The following MXD4 variants were observed in gnomAD, a reference collection of about 807,000 sequenced individuals.
MXD4 encodes the protein Mad4 homolog.
In MXD4, 16 loss-of-function variants were observed where a neutral mutation model predicts 24.5. The ratio of observed to expected loss-of-function variants is 0.65; its 90% CI spans 0.44 to 0.99. The LOEUF (loss-of-function observed/expected upper bound fraction) is 0.99. MXD4 is among the 50% of genes least tolerant of loss of function. MXD4 has a pLI of 0.00. For missense variants in MXD4, 301 were observed against 301.5 expected (o/e 1.00, Z 0.01); for synonymous variants, 164 against 134.2 (o/e 1.22, Z -1.54).
At chr4:2,255,847 G>A (rs1055898951) in intron 3 of MXD4, among the ~76,000 whole-genome samples, 8 of 152,192 alleles carry the variant, frequency 5.3e-5, no homozygotes, top group African/African-American at 1.7e-4. Flanking sequence ...CACCGAGAGG[G>A]CATGGCTCCA....
chr4:2,256,031 T>G (rs1400488002), intron 3 of MXD4, among the ~76,000 whole-genome samples: 1 of 152,238 alleles, frequency 6.6e-6, no homozygotes, highest in Non-Finnish European at 1.5e-5. Flanking sequence ...GAGGCTGGGC[T>G]GCAGGGGGCT....
At chr4:2,252,859 G>A (rs1735353458) in intron 3 of MXD4, 3 of 267,246 alleles carry the variant, frequency 1.1e-5, no homozygotes, top group South Asian at 4.1e-5. Flanking sequence ...TGCAGGGAGG[G>A]GTGGGGTGAG....
intron 3 of MXD4, among the ~76,000 whole-genome samples, 171 bp downstream of exon 3, chr4:2,257,811 G>GA (rs1735460963): frequency 6.6e-6 from 1 of 152,222 alleles, no homozygotes. Flanking sequence ...CAGAGTGCCT[G>GA]AAACAGACCT....
intron 3 of MXD4, among the ~76,000 whole-genome samples, chr4:2,256,913 T>C (rs531205697): frequency 4.3e-4 from 66 of 152,190 alleles, no homozygotes; most frequent in African/African-American, 1.5e-3. Flanking sequence ...CCCCGGCTCC[T>C]GGGTCCTGGT....
Position 2,250,227 on chromosome 4 carries a change from T to C in MXD4, c.*317A>G, listed in dbSNP as rs1219475024. The stretch of plus-strand genomic sequence containing the variant: ...CCCCTCACACGGCACCTGCCGAGGT[T>C]TGCAGCAATGACGTTTAATACTTCT... On this transcript the variant is annotated 3_prime_UTR_variant, in exon 6 of 6. Transcript: ENST00000337190. The C allele has an allele frequency of 1.1e-5, 4 of 371,870 alleles. No individual in the cohort carries two copies. Among genetic ancestry groups the C allele is most frequent in the Middle Eastern group, 3.3e-4 (1 of 3,018 alleles). The allele number at this position is 371,870 out of a possible 1,614,324, so 23.0% of individuals were successfully genotyped here.
At position 2,250,237 on chromosome 4, in the gene MXD4, GAC is replaced by G. The variant is rs1284035014; in HGVS notation, c.*305_*306del. 2.5e-6 allele frequency: 1 copy of G among 400,140 alleles called. No individual in the cohort carries two copies. Among genetic ancestry groups the G allele is most frequent in the African/African-American group, 2.0e-5 (1 of 49,010 alleles). The allele number at this position is 400,140 out of a possible 1,614,324, so 24.8% of individuals were successfully genotyped here. On this transcript the variant is annotated 3_prime_UTR_variant, in exon 6 of 6. Coordinates refer to ENST00000337190, the MANE Select transcript of MXD4 (RefSeq NM_006454.3). ...GGCACCTGCCGAGGTTTGCAGCAAT[GAC>G]GTTTAATACTTCTGGAATGATTAGG...
At chr4:2,261,126 C>T (rs1402736846) in intron 2 of MXD4, among the ~76,000 whole-genome samples, 1 of 152,236 alleles carries the variant, frequency 6.6e-6, no homozygotes. Flanking sequence ...ATACTGGTGG[C>T]TGGAGTTTCG....
chr4:2,261,700 C>T (rs1201435267), intron 2 of MXD4, 25 bp downstream of exon 2: 1 of 1,252,274 alleles, frequency 8.0e-7, no homozygotes, highest in Non-Finnish European at 1.0e-6. Context: ...CCGGGCCGGG[C>T]GGGGTCGGGA....
At position 2,250,658 on chromosome 4, in the gene MXD4, G is replaced by T; in HGVS notation, c.516C>A (p.Asp172Glu). 6 of 1,613,748 alleles carry T rather than the reference G, an allele frequency of 3.7e-6. No individual in the cohort carries two copies. The highest frequency in any genetic ancestry group is 5.1e-6 in the Non-Finnish European group (6 of 1,179,958). ...CCGCGTCACTGCTGCTGCCAACACTGTCCAGCTCACCAGGGCCAAACTCCA... is the reference window on the plus strand; with the variant it reads ...CCGCGTCACTGCTGCTGCCAACACTTTCCAGCTCACCAGGGCCAAACTCCA... Reference protein sequence around the residue: ...EGMEFGPGELDSVGSSSDADD... With the variant: ...EGMEFGPGELESVGSSSDADD... Residue 172 changes from aspartate to glutamate, a missense_variant, in exon 6 of 6, where the codon GAC (aspartate) becomes GAA (glutamate). Asp to Glu is a conservative substitution (Grantham distance 45). Coordinates refer to ENST00000337190, the MANE Select transcript of MXD4 (RefSeq NM_006454.3).
chr4:2,260,118 T>C (rs1177870183), intron 2 of MXD4, among the ~76,000 whole-genome samples: 4 of 152,218 alleles, frequency 2.6e-5, no homozygotes, highest in Admixed American at 6.5e-5. Context: ...CCGCCAGCCC[T>C]GGGCTGCCTC....
chr4:2,254,611 G>A (rs1735389203), intron 3 of MXD4: 1 of 152,316 alleles, frequency 6.6e-6, no homozygotes, highest in East Asian at 1.9e-4. Context: ...ACATATAAAA[G>A]ACAAATGGTT....
chr4:2,255,363 G>A, intron 3 of MXD4: 2 of 456,278 alleles, frequency 4.4e-6, no homozygotes, highest in South Asian at 3.1e-5. Flanking sequence ...TTTCTCGAGA[G>A]ACAAACAGAA....
At position 2,249,131 on chromosome 4, in the gene MXD4, C is replaced by A. The variant is rs973208431; in HGVS notation, c.*1413G>T. 6.6e-6 allele frequency: 1 copy of A among 152,566 alleles called. No individual in the cohort carries two copies. Among genetic ancestry groups the A allele is most frequent in the African/African-American group, 2.4e-5 (1 of 41,470 alleles). 9.5% of individuals were successfully genotyped at this position (152,566 alleles called of 1,614,324 possible). ...CCACAGGGGCCTGGCTGCATCGCCTCCAGGAAGCCCTGGCTGCCGGGAGGG... is the reference window on the plus strand; with the variant it reads ...CCACAGGGGCCTGGCTGCATCGCCTACAGGAAGCCCTGGCTGCCGGGAGGG... On this transcript the variant is annotated 3_prime_UTR_variant, in exon 6 of 6. Coordinates refer to ENST00000337190, the MANE Select transcript of MXD4 (RefSeq NM_006454.3).
intron 2 of MXD4, among the ~76,000 whole-genome samples, chr4:2,259,899 G>A (rs574332581): frequency 6.6e-6 from 1 of 152,156 alleles, no homozygotes; most frequent in Non-Finnish European, 1.5e-5. Context: ...CCTCAACCCT[G>A]ACACTGTCCT....
chr4:2,261,652 C>T, intron 2 of MXD4, 73 bp downstream of exon 2: 1 of 928,314 alleles, frequency 1.1e-6, no homozygotes, highest in Non-Finnish European at 1.4e-6. Flanking sequence ...GGAATCGGGG[C>T]CCGGAGAGCA....
rs568500824 is a variant in MXD4 at position 2,259,072 on chromosome 4, A to G, written c.165-1061T>C. 34 of 424,210 alleles carry G rather than the reference A, an allele frequency of 8.0e-5. 1 individual carries two copies. The highest frequency in any genetic ancestry group is 4.9e-4 in the South Asian group (30 of 61,138). 26.3% of individuals were successfully genotyped at this position (424,210 alleles called of 1,614,324 possible). On this transcript the variant is annotated intron_variant, in intron 2 of 5. Coordinates refer to ENST00000337190, the MANE Select transcript of MXD4 (RefSeq NM_006454.3). ...CCAGGATGCCGCTGCACAGGTGGGC[A>G]GAGAGCTCAGACTGCCTCGGGGCAC...
Position 2,250,586 on chromosome 4 carries a change from G to T in MXD4, c.588C>A (p.Phe196Leu), listed in dbSNP as rs747682089. Residue 196 changes from phenylalanine to leucine, a missense_variant, in exon 6 of 6, where the codon TTC becomes TTA. Coordinates refer to ENST00000337190, the MANE Select transcript of MXD4 (RefSeq NM_006454.3). ...LQSGTGGDSG[F>L]GPHCRRLGRP... ...GGCCCAGCCGCCGGCAGTGGGGCCC[G>T]AAGCCACTGTCGCCGCCGGTGCCAC... The T allele has an allele frequency of 1.2e-6, 2 of 1,609,346 alleles. No individual in the cohort carries two copies. Among genetic ancestry groups the T allele is most frequent in the Non-Finnish European group, 1.7e-6 (2 of 1,178,548 alleles).
At chr4:2,256,998 C>T (rs1051732429) in intron 3 of MXD4, among the ~76,000 whole-genome samples, 13 of 152,216 alleles carry the variant, frequency 8.5e-5, no homozygotes, top group African/African-American at 3.1e-4. Context: ...GTACCTGCCC[C>T]CACCTCTGTG....
rs1380812285 is a variant in MXD4, at chr4:2,247,460, CAAT to C, written c.*3081_*3083del. 1 of 152,284 alleles carries C rather than the reference CAAT, an allele frequency of 6.6e-6. No individual in the cohort carries two copies. The highest frequency in any genetic ancestry group is 2.4e-5 in the African/African-American group (1 of 41,460). The allele number at this position is 152,284 out of a possible 1,614,324, so 9.4% of individuals were successfully genotyped here. ...GATATAAAAATCTGTATTTATATTA[CAAT>C]GACATAAGGACACAGCACGGCCCAC... On this transcript the variant is annotated 3_prime_UTR_variant, in exon 6 of 6. Coordinates refer to ENST00000337190, the MANE Select transcript of MXD4 (RefSeq NM_006454.3).
Sources: allele counts gnomAD v4.1 joint callset (sites outside exome capture counted in the v4.1 genomes callset), GRCh38; gene constraint gnomAD v4.1.1; transcripts MANE v1.5; gene names NCBI Gene and HGNC (gene_info 2026-07-23, HGNC 2026-07-21).